The following EPAS1 variants were observed in gnomAD, a reference collection of about 807,000 sequenced individuals.
The protein encoded by EPAS1 is endothelial PAS domain-containing protein 1.
A neutral mutation model predicts 87.9 loss-of-function variants in EPAS1; 23 were observed. The observed-to-expected ratio is 0.26, with a 90% confidence interval of 0.19 to 0.37. The LOEUF is 0.37. Ranked by LOEUF, EPAS1 falls within the 10% of genes least tolerant of loss-of-function variation. EPAS1 has a pLI of 1.00. For missense variants in EPAS1, 1,138 were observed against 1,120.7 expected (o/e 1.02, Z -0.22); for synonymous variants, 508 against 444.3 (o/e 1.14, Z -1.80).
At chr2:46,353,569 C>T (rs1351708478) in intron 2 of EPAS1, among the ~76,000 whole-genome samples, 1 of 152,194 alleles carries the variant, frequency 6.6e-6, no homozygotes, top group African/African-American at 2.4e-5. Flanking sequence ...CTGATGCATA[C>T]TCAAATTTGA....
intron 6 of EPAS1, among the ~76,000 whole-genome samples, chr2:46,362,968 GGTGGTGGTA>G (rs757499124): frequency 0.23 from 26,352 of 114,084 alleles, 3,099 homozygotes; most frequent in East Asian, 0.52. Context: ...TGGTGGTGGT[GGTGGTGGTA>G]GTGGTGGTGG....
At chr2:46,376,201 A>G (rs574528535) in intron 8 of EPAS1, among the ~76,000 whole-genome samples, 2 of 152,204 alleles carry the variant, frequency 1.3e-5, no homozygotes, top group East Asian at 3.8e-4. Context: ...CCTTCACTCT[A>G]TAGTACCTGG....
intron 1 of EPAS1, among the ~76,000 whole-genome samples, chr2:46,327,680 A>G (rs374592070): frequency 6.6e-5 from 10 of 152,254 alleles, no homozygotes; most frequent in African/African-American, 2.2e-4. Flanking sequence ...AGCTTCCCAT[A>G]TATCCTTGGA....
At chr2:46,312,340 C>T (rs935776246) in intron 1 of EPAS1, among the ~76,000 whole-genome samples, 3 of 152,166 alleles carry the variant, frequency 2.0e-5, no homozygotes, top group African/African-American at 7.2e-5. Flanking sequence ...TGACCTAGGA[C>T]AGGTAATTTA....
chr2:46,374,003 G>C (rs894393345), intron 7 of EPAS1, among the ~76,000 whole-genome samples: 1 of 152,238 alleles, frequency 6.6e-6, no homozygotes, highest in African/African-American at 2.4e-5. Context: ...CTTAGTGAGC[G>C]CCCTATGTGC....
In EPAS1 at chr2:46,301,823, T is replaced by C. The variant is rs75106267; in HGVS notation, c.26+3886T>C. Among the ~76,000 whole-genome samples the C allele has an allele frequency of 4.9e-5, 4 of 80,828 alleles. No homozygotes were observed. In the Admixed American group the frequency reaches 5.1e-4, roughly 10 times the overall value. 53.0% of individuals were successfully genotyped at this position (80,828 alleles called of 152,430 possible). On this transcript the variant is annotated intron_variant, in intron 1 of 15. Coordinates refer to ENST00000263734, the MANE Select transcript of EPAS1 (RefSeq NM_001430.5). ...AGAAGTGATGATTCTGTTTGCTTTT[T>C]GAAAAAAAAAAAAAAAGGAAGCAGA...
chr2:46,382,624 C>T, intron 15 of EPAS1, 26 bp downstream of exon 15: 2 of 1,613,748 alleles, frequency 1.2e-6, no homozygotes, highest in African/African-American at 2.7e-5. Flanking sequence ...ATCTGTCACC[C>T]CCATCCCAGG....
intron 15 of EPAS1, among the ~76,000 whole-genome samples, chr2:46,382,977 C>T (rs1684935355): frequency 6.6e-6 from 1 of 152,116 alleles, no homozygotes; most frequent in African/African-American, 2.4e-5. Context: ...CAGGCGGCCA[C>T]AGTGGTGAGG....
chr2:46,370,427 G>A (rs1183345232), intron 7 of EPAS1, among the ~76,000 whole-genome samples: 1 of 152,240 alleles, frequency 6.6e-6, no homozygotes, highest in South Asian at 2.1e-4. Context: ...AGGCTGAACA[G>A]AGGGGAAAGT....
rs777916217 is a variant in EPAS1 at position 46,380,976 on chromosome 2, C to T, written c.2045+259C>T. ...AGCCCTGTACCTCAGTGTCTCCCTT[C>T]GGACCACCACCAGAGTGCCTTTCGT... On this transcript the variant is annotated intron_variant, in intron 12 of 15. Transcript: ENST00000263734. This position sits in a 1 kb window ranked among gnomAD's most constrained non-coding sequence, Gnocchi z 4.4. Among the ~76,000 whole-genome samples, 1 of 152,162 alleles carries T rather than the reference C, an allele frequency of 6.6e-6. No individual in the cohort carries two copies. Among genetic ancestry groups the T allele is most frequent in the African/African-American group, 2.4e-5 (1 of 41,416 alleles).
intron 1 of EPAS1, among the ~76,000 whole-genome samples, chr2:46,319,434 C>T (rs1683410952): frequency 6.6e-6 from 1 of 152,214 alleles, no homozygotes. Flanking sequence ...AAAAGGCACT[C>T]TTTCTTCTTT....
intron 4 of EPAS1, among the ~76,000 whole-genome samples, chr2:46,359,701 T>G (rs749621767): frequency 4.9e-4 from 75 of 152,156 alleles, no homozygotes; most frequent in Non-Finnish European, 4.9e-4. Flanking sequence ...TGACTGTTCC[T>G]GGAGGAAGGA....
At chr2:46,298,089 T>G (rs1212029441) in intron 1 of EPAS1, 152 bp downstream of exon 1, 9 of 992,950 alleles carry the variant, frequency 9.1e-6, no homozygotes, top group Non-Finnish European at 1.2e-5. Context: ...GGAGAGCATG[T>G]GCCCGGTTTG....
At position 46,377,278 on chromosome 2, in the gene EPAS1, G is replaced by A. The variant is rs554012220; in HGVS notation, c.1249+525G>A. On this transcript the variant is annotated intron_variant, in intron 9 of 15. Coordinates refer to ENST00000263734, the MANE Select transcript of EPAS1 (RefSeq NM_001430.5). Reference sequence around the variant, plus strand: ...ATTAAAGTGTCTGCCTGTCCCTGGGGATGTAAGTCACTGGGGACCCCGGCA... The same window carrying A: ...ATTAAAGTGTCTGCCTGTCCCTGGGAATGTAAGTCACTGGGGACCCCGGCA... Among the ~76,000 whole-genome samples the A allele has an allele frequency of 2.0e-4, 30 of 152,342 alleles. 2 individuals carry two copies. In the South Asian group the frequency reaches 6.2e-3, roughly 32 times the overall value.
intron 2 of EPAS1, among the ~76,000 whole-genome samples, chr2:46,350,214 A>G (rs1684120355): frequency 6.6e-6 from 1 of 152,250 alleles, no homozygotes; most frequent in Non-Finnish European, 1.5e-5. Context: ...ATCAAAATGC[A>G]GAGTCGTCAA....
chr2:46,340,397 G>A (rs1310906290), intron 1 of EPAS1, among the ~76,000 whole-genome samples: 1 of 152,194 alleles, frequency 6.6e-6, no homozygotes, highest in Non-Finnish European at 1.5e-5. Flanking sequence ...CCAGCGGAGC[G>A]GAGGTTGGGA....
chr2:46,378,592 T>C, intron 10 of EPAS1, 65 bp from the exon 11 acceptor site: 1 of 1,391,428 alleles, frequency 7.2e-7, no homozygotes, highest in South Asian at 1.2e-5. Context: ...TCTTCTTCCA[T>C]GCTGGACTTC....
intron 1 of EPAS1, among the ~76,000 whole-genome samples, chr2:46,343,795 G>C (rs758417797): frequency 6.6e-6 from 1 of 152,254 alleles, no homozygotes; most frequent in Non-Finnish European, 1.5e-5. Context: ...AGTGAAAAGA[G>C]TATTCGCCTA....
intron 14 of EPAS1, 85 bp from the exon 15 acceptor site, chr2:46,382,340 A>T (rs1684917496): frequency 2.0e-5 from 31 of 1,552,648 alleles, no homozygotes; most frequent in Non-Finnish European, 2.6e-5. Context: ...AGCACCTTTT[A>T]TAAAGGAAAG....
Sources: gnomAD v4.1 joint callset for allele counts (sites outside exome capture counted in the v4.1 genomes callset) on GRCh38, gnomAD v4.1.1 for gene constraint, Gnocchi (gnomAD v3.1) non-coding constraint, MANE v1.5 for transcripts, NCBI Gene and HGNC (gene_info 2026-07-23, HGNC 2026-07-21) for gene names.